DTNBP1: variants seen among roughly 807,000 people sequenced by gnomAD.
DTNBP1 encodes the protein dysbindin.
In DTNBP1, 35 loss-of-function variants were observed where a neutral mutation model predicts 42.8. The ratio of observed to expected loss-of-function variants is 0.82; its 90% CI spans 0.63 to 1.09. The LOEUF (loss-of-function observed/expected upper bound fraction) is 1.09, where lower values mean the gene tolerates loss of function less well. Ranked by LOEUF, DTNBP1 falls within the 50% of genes least tolerant of loss-of-function variation. The probability of loss-of-function intolerance (pLI) is 0.00; values close to 1 mark genes in which losing one functional copy is unlikely to be tolerated. For missense variants in DTNBP1, 457 were observed against 424.2 expected (o/e 1.08, Z -0.68); for synonymous variants, 171 against 162.2 (o/e 1.05, Z -0.41).
chr6:15,565,379 G>A (rs1044245093), intron 7 of DTNBP1, among the ~76,000 whole-genome samples: 1 of 152,162 alleles, frequency 6.6e-6, no homozygotes, highest in Non-Finnish European at 1.5e-5. Flanking sequence ...GGCTTGCACA[G>A]GAATGTTTAC....
chr6:15,652,070 T>G lies in DTNBP1; in HGVS notation c.110+17A>C. The G allele has an allele frequency of 6.2e-7, 1 of 1,611,082 alleles. No homozygotes were observed. Among genetic ancestry groups the G allele is most frequent in the Non-Finnish European group, 8.5e-7 (1 of 1,177,702 alleles). On this transcript the variant is annotated intron_variant, in intron 2 of 9. Coordinates refer to ENST00000344537, the MANE Select transcript of DTNBP1 (RefSeq NM_032122.5). ...AATTTAAGTCACAGTTAAGTTAAAA[T>G]CTTAGCACAAGCTTACCTGGGTTTG...
chr6:15,639,813 A>C (rs1437302590), intron 3 of DTNBP1, among the ~76,000 whole-genome samples: 2 of 152,232 alleles, frequency 1.3e-5, no homozygotes, highest in Non-Finnish European at 2.9e-5. Flanking sequence ...ACTAATTATA[A>C]ATTGAAAATT....
intron 3 of DTNBP1, among the ~76,000 whole-genome samples, chr6:15,646,241 C>T (rs992934914): frequency 1.4e-5 from 2 of 145,524 alleles, no homozygotes; most frequent in African/African-American, 2.6e-5. Context: ...ATCAAGAACT[C>T]AATCTCATTT....
intron 3 of DTNBP1, among the ~76,000 whole-genome samples, chr6:15,642,187 TC>T (rs1314856785): frequency 6.6e-6 from 1 of 152,064 alleles, no homozygotes; most frequent in Non-Finnish European, 1.5e-5. Flanking sequence ...AGTTGTCTGC[TC>T]CCATCTGGAG....
At chr6:15,535,889 T>A (rs1773200379) in intron 7 of DTNBP1, among the ~76,000 whole-genome samples, 1 of 152,178 alleles carries the variant, frequency 6.6e-6, no homozygotes, top group Non-Finnish European at 1.5e-5. Context: ...CAGATGGAGA[T>A]GAGGAACTTA....
rs185025948 is a variant in DTNBP1 at position 15,600,347 on chromosome 6, A to G, written c.489-7266T>C. On this transcript the variant is annotated intron_variant, in intron 6 of 9. Coordinates refer to ENST00000344537, the MANE Select transcript of DTNBP1 (RefSeq NM_032122.5). ...TATCTCCCCTAGTCTCTCTTTTCTT[A>G]TTGGTAGAGAAGAGAGTACACCTAC... Among the ~76,000 whole-genome samples the G allele has an allele frequency of 1.4e-4, 22 of 152,260 alleles. No individual in the cohort carries two copies. The East Asian group carries it at 4.2e-3, about 29-fold the overall frequency.
chr6:15,646,534 A>C (rs1368949500), intron 3 of DTNBP1, among the ~76,000 whole-genome samples: 1 of 152,006 alleles, frequency 6.6e-6, no homozygotes, highest in Non-Finnish European at 1.5e-5. Flanking sequence ...ATTCATATGG[A>C]ATCAAAAAAA....
intron 7 of DTNBP1, among the ~76,000 whole-genome samples, chr6:15,586,506 A>G (rs1236050429): frequency 1.3e-5 from 2 of 151,242 alleles, no homozygotes; most frequent in Non-Finnish European, 2.9e-5. Context: ...TTTTTCATAC[A>G]AATATACTCA....
chr6:15,527,450 AAATATG>A (rs1772486052), intron 8 of DTNBP1, among the ~76,000 whole-genome samples: 1 of 152,230 alleles, frequency 6.6e-6, no homozygotes, highest in African/African-American at 2.4e-5. Flanking sequence ...TTCACAAATC[AAATATG>A]AAATGCTAAT....
chr6:15,552,153 T>C (rs1247987493), intron 7 of DTNBP1, among the ~76,000 whole-genome samples: 1 of 152,160 alleles, frequency 6.6e-6, no homozygotes, highest in East Asian at 1.9e-4. Context: ...CAAAAACACC[T>C]GCACTTAAGA....
chr6:15,610,769 C>A (rs545434715), intron 6 of DTNBP1, among the ~76,000 whole-genome samples: 4 of 152,302 alleles, frequency 2.6e-5, no homozygotes, highest in African/African-American at 7.2e-5. Context: ...AAAACCTAAT[C>A]CAGAGCAAGG....
At chr6:15,637,877 G>A in intron 3 of DTNBP1, 73 bp from the exon 4 acceptor site, 1 of 1,450,520 alleles carries the variant, frequency 6.9e-7, no homozygotes, top group Non-Finnish European at 9.6e-7. Flanking sequence ...AGATGAATGT[G>A]GAATATCCTG....
chr6:15,582,054 C>G (rs1775863992), intron 7 of DTNBP1, among the ~76,000 whole-genome samples: 1 of 152,112 alleles, frequency 6.6e-6, no homozygotes, highest in African/African-American at 2.4e-5. Flanking sequence ...GAGCATTACA[C>G]AGCAAGACCA....
intron 6 of DTNBP1, among the ~76,000 whole-genome samples, chr6:15,614,209 C>G (rs1033683863): frequency 6.6e-6 from 1 of 152,014 alleles, no homozygotes; most frequent in Non-Finnish European, 1.5e-5. Flanking sequence ...TACAATAATC[C>G]ACCTCACCTA....
chr6:15,652,275 G>A, intron 1 of DTNBP1, 135 bp from the exon 2 acceptor site: 1 of 617,884 alleles, frequency 1.6e-6, no homozygotes, highest in Non-Finnish European at 2.7e-6. Flanking sequence ...TCAATCCTGG[G>A]CCCAAGTGAT....
At chr6:15,532,978 C>T (rs575002608) in intron 8 of DTNBP1, among the ~76,000 whole-genome samples, 1 of 151,794 alleles carries the variant, frequency 6.6e-6, no homozygotes, top group Non-Finnish European at 1.5e-5. Flanking sequence ...GGATTACAGG[C>T]GTGAGCCACC....
At chr6:15,650,740 G>GTT (rs1760946231) in intron 3 of DTNBP1, among the ~76,000 whole-genome samples, 1 of 151,996 alleles carries the variant, frequency 6.6e-6, no homozygotes, top group South Asian at 2.1e-4. Flanking sequence ...AGTTTTAAAA[G>GTT]TTCTTTATAT....
intron 7 of DTNBP1, among the ~76,000 whole-genome samples, chr6:15,576,411 C>G (rs111307559): frequency 6.8e-4 from 103 of 151,714 alleles, no homozygotes; most frequent in African/African-American, 2.3e-3. Context: ...GCATGAGCCA[C>G]CGTGCCCGGC....
At chr6:15,524,179 C>T in intron 9 of DTNBP1, 1 of 1,459,948 alleles carries the variant, frequency 6.8e-7, no homozygotes, top group Non-Finnish European at 9.1e-7. Flanking sequence ...GTGAGCCCCG[C>T]AGGAGAGTCC....
Sources: gnomAD v4.1 joint callset for allele counts (sites outside exome capture counted in the v4.1 genomes callset) on GRCh38, gnomAD v4.1.1 for gene constraint, MANE v1.5 for transcripts, NCBI Gene and HGNC (gene_info 2026-07-23, HGNC 2026-07-21) for gene names.